The following RPAP1 variants were observed in gnomAD, a reference collection of about 807,000 sequenced individuals.
RPAP1 encodes RNA polymerase II-associated protein 1.
Under a neutral mutation model 142.4 loss-of-function variants are expected in RPAP1, and 109 were observed. The observed-to-expected ratio is 0.77, with a 90% CI of 0.66 to 0.90. The LOEUF (loss-of-function observed/expected upper bound fraction) is 0.90. Among genes scored for constraint, RPAP1 ranks in the 40% least tolerant of loss-of-function variants. The pLI, the probability that RPAP1 is intolerant of heterozygous loss-of-function variation, is 0.00. For missense variants in RPAP1, 1,546 were observed against 1,751.7 expected, an observed-to-expected ratio of 0.88 and a Z score of 2.10; for synonymous variants, 704 against 738.9, an observed-to-expected ratio of 0.95 and a Z score of 0.77.
chr15:41,531,619 ATATATATATTTTTTTTTTTTTT>A (rs1409455104), intron 6 of RPAP1, among the ~76,000 whole-genome samples: 8 of 27,266 alleles, frequency 2.9e-4, no homozygotes, highest in African/African-American at 1.1e-3. Context: ...ATATATATAT[ATATATATATTTTTTTTTTTTTT>A]TTTTTTTTTT....
chr15:41,526,923 G>C lies in RPAP1; in HGVS notation c.1892C>G (p.Ala631Gly). 1 of 1,613,664 alleles carries C rather than the reference G, an allele frequency of 6.2e-7. No homozygotes were observed. Among genetic ancestry groups the C allele is most frequent in the Non-Finnish European group, 8.5e-7 (1 of 1,179,620 alleles). Residue 631 changes from alanine to glycine, a missense_variant, in exon 14 of 25, where the codon GCT becomes GGT. Around this residue, in one of 3 missense-constraint regions of RPAP1, gnomAD observed 1,333 missense variants for 1,486.6 expected, o/e 0.90. Transcript: ENST00000304330. ...AMKLLRVLAS[A>G]GRNIAARLLS... ...CAGCCGGGCAGCAATATTCCTCCCA[G>C]CTGAGGCCAGGACACGAAGTAGTTT...
intron 1 of RPAP1, among the ~76,000 whole-genome samples, chr15:41,537,892 A>C (rs567786260): frequency 1.3e-3 from 203 of 151,984 alleles, no homozygotes; most frequent in Non-Finnish European, 2.4e-3. Context: ...TCAAAAAAAA[A>C]AAAAAAAATT....
Position 41,528,240 on chromosome 15 carries a change from T to G in RPAP1, c.1255A>C (p.Ser419Arg). 6.2e-7 allele frequency: 1 copy of G among 1,605,836 alleles called. No homozygotes were observed. The highest frequency in any genetic ancestry group is 1.3e-5 in the African/African-American group (1 of 74,938). The change falls in exon 10 of 25, where the codon AGC becomes CGC. Residue 419 changes from serine (S) to arginine (R), a missense_variant. Physicochemically the swap from Ser to Arg is moderately radical, Grantham distance 110 (BLOSUM62 -1). This residue lies in a region of RPAP1 where 1,333 missense variants were observed against 1,486.6 expected (regional missense o/e 0.90). Coordinates refer to ENST00000304330, the MANE Select transcript of RPAP1 (RefSeq NM_015540.4). ...CAGGCTGGCAATCCACTCACCCTGCTGATGACCTGGGCTAACACATGCAGT... is the reference window on the plus strand; with the variant it reads ...CAGGCTGGCAATCCACTCACCCTGCGGATGACCTGGGCTAACACATGCAGT... Reference protein sequence around the residue: ...LALHVLAQVISRAQAGEFGDR... With the variant: ...LALHVLAQVIRRAQAGEFGDR...
chr15:41,517,513 T>G lies in RPAP1; in HGVS notation c.*29A>C, dbSNP rs922635461. On this transcript the variant is annotated 3_prime_UTR_variant, in exon 25 of 25. Coordinates refer to ENST00000304330, the MANE Select transcript of RPAP1 (RefSeq NM_015540.4). ...TTGAAAGGCTGGATACAGGACAACG[T>G]ACCCATCTTTCCATCTATATCAACT... is the stretch of plus-strand genomic sequence containing the variant. 2 of 1,520,218 alleles carry G rather than the reference T, an allele frequency of 1.3e-6. No homozygotes were observed. The highest frequency in any genetic ancestry group is 2.8e-5 in the African/African-American group (2 of 71,896). 94.2% of individuals were successfully genotyped at this position (1,520,218 alleles called of 1,614,324 possible).
chr15:41,523,574 G>A (rs1374954054), intron 17 of RPAP1, among the ~76,000 whole-genome samples, 197 bp downstream of exon 17: 3 of 152,226 alleles, frequency 2.0e-5, no homozygotes, highest in East Asian at 3.8e-4. Flanking sequence ...TGGGCTCTCT[G>A]GTCCCCACCA....
rs1361248073 is a variant in RPAP1 at position 41,527,032 on chromosome 15, G to A, written c.1783C>T (p.Arg595Ter). 7 of 1,614,164 alleles carry A rather than the reference G, an allele frequency of 4.3e-6. No homozygotes were observed. The Admixed American group carries it at 5.0e-5, about 12-fold the overall frequency. Residue 595 changes from arginine (R) to a stop codon, truncating the protein, a stop_gained, in exon 14 of 25, where the codon CGA becomes TGA. Coordinates refer to ENST00000304330, the MANE Select transcript of RPAP1 (RefSeq NM_015540.4). LOFTEE classifies it high-confidence loss of function. ...ECPRLIETIV[R>*]EFLPTSWSPV... is the part of the protein sequence containing the mutation. The stretch of plus-strand genomic sequence containing the variant: ...GACCAACTGGTGGGCAAGAACTCTC[G>A]AACTATAGTCTCTATCAGCCGAGGG...
chr15:41,540,581 G>A lies in RPAP1; in HGVS notation c.-76-3380C>T, dbSNP rs144704889. On this transcript the variant is annotated intron_variant, in intron 1 of 24. Coordinates refer to ENST00000304330, the MANE Select transcript of RPAP1 (RefSeq NM_015540.4). ...CTCCCAAAGTGCTGGGATTACAGGC[G>A]TGAGCCACTGCAACGGGCCAGTTAC... Among the ~76,000 whole-genome samples the A allele has an allele frequency of 2.6e-5, 4 of 152,330 alleles. No homozygotes were observed. The East Asian group carries it at 5.8e-4, about 22-fold the overall frequency.
chr15:41,529,578 A>G lies in RPAP1; in HGVS notation c.1060-10T>C, dbSNP rs1186101189. ...ATCGAGCCTGCATCCTCTAATGGGAAGAGAAAGAGGACTGTGGTCTGGGGG... is the reference window on the plus strand; with the variant it reads ...ATCGAGCCTGCATCCTCTAATGGGAGGAGAAAGAGGACTGTGGTCTGGGGG... On this transcript the variant is annotated splice_polypyrimidine_tract_variant and intron_variant, in intron 8 of 24. Transcript: ENST00000304330. 2 of 1,586,292 alleles carry G rather than the reference A, an allele frequency of 1.3e-6. No homozygotes were observed. The highest frequency in any genetic ancestry group is 1.7e-6 in the Non-Finnish European group (2 of 1,156,424).
chr15:41,526,033 T>C (rs1057397517), intron 14 of RPAP1, among the ~76,000 whole-genome samples: 1 of 152,136 alleles, frequency 6.6e-6, no homozygotes, highest in Non-Finnish European at 1.5e-5. Flanking sequence ...CACTCCACCC[T>C]CCATCTCCCG....
intron 6 of RPAP1, among the ~76,000 whole-genome samples, chr15:41,532,726 G>A (rs1035371946): frequency 2.6e-5 from 4 of 151,754 alleles, no homozygotes; most frequent in Non-Finnish European, 4.4e-5. Flanking sequence ...AAAAAAAATC[G>A]CAGCACTTCA....
intron 22 of RPAP1, chr15:41,519,997 G>A (rs995939049): frequency 2.9e-5 from 7 of 243,402 alleles, no homozygotes; most frequent in South Asian, 2.7e-4. Flanking sequence ...GCAGTGGCGC[G>A]ATCTCGGCTC....
chr15:41,521,454 AAC>A (rs765364003), intron 21 of RPAP1, among the ~76,000 whole-genome samples: 4 of 152,262 alleles, frequency 2.6e-5, no homozygotes, highest in Non-Finnish European at 5.9e-5. Flanking sequence ...GGGAGTATCA[AAC>A]ACAGAGTAAA....
rs145720104 is a variant in RPAP1, at chr15:41,534,822, C to T, written c.655G>A (p.Glu219Lys). 12 of 1,614,140 alleles carry T rather than the reference C, an allele frequency of 7.4e-6. No homozygotes were observed. Among genetic ancestry groups the T allele is most frequent in the Non-Finnish European group, 1.0e-5 (12 of 1,180,018 alleles). ...ATAGTCTGGGCTTCCTGCTCAGCTTCTTGATCCCTGAGCCCCTTCCCTGTG... is the reference window on the plus strand; with the variant it reads ...ATAGTCTGGGCTTCCTGCTCAGCTTTTTGATCCCTGAGCCCCTTCCCTGTG... ...LVTGKGLRDQ[E>K]AEQEAQTIHE... The change falls in exon 6 of 25, where the codon GAA (glutamate) becomes AAA (lysine). Residue 219 changes from glutamate to lysine, a missense_variant. Around this residue, in one of 3 missense-constraint regions of RPAP1, gnomAD observed 1,333 missense variants for 1,486.6 expected, o/e 0.90. Coordinates refer to ENST00000304330, the MANE Select transcript of RPAP1 (RefSeq NM_015540.4).
rs1202312045 is a variant in RPAP1, at chr15:41,518,014, G to C, written c.3964C>G (p.Gln1322Glu). The C allele has an allele frequency of 1.2e-6, 2 of 1,614,064 alleles. No homozygotes were observed. The highest frequency in any genetic ancestry group is 4.5e-5 in the East Asian group (2 of 44,902). The stretch of plus-strand genomic sequence containing the variant: ...ATGGAGATGTAACTTACTGAGCTCT[G>C]TGGGTCCTGAGAGAAGATGAAGCTA... ...VNSFIFSQDP[Q>E]SSDEVKAARR... is the part of the protein sequence containing the mutation. Residue 1322 changes from glutamine (Q) to glutamate (E), a missense_variant, in exon 23 of 25, where the codon CAG (glutamine) becomes GAG (glutamate). Transcript: ENST00000304330.
intron 1 of RPAP1, among the ~76,000 whole-genome samples, chr15:41,540,345 A>C (rs2051960058): frequency 6.9e-6 from 1 of 145,976 alleles, no homozygotes; most frequent in Non-Finnish European, 1.5e-5. Context: ...CTTGTTGCCC[A>C]GGCTGGAGTG....
At chr15:41,522,590 A>G in intron 19 of RPAP1, 175 bp downstream of exon 19, 3 of 586,334 alleles carry the variant, frequency 5.1e-6, no homozygotes, top group South Asian at 4.8e-5. Context: ...GGGTTTCTCC[A>G]TGTTGGCCAG....
rs1456814619 is a variant in RPAP1, at chr15:41,530,130, G to A, written c.944-151C>T. 9 of 651,428 alleles carry A rather than the reference G, an allele frequency of 1.4e-5. No individual in the cohort carries two copies. In the African/African-American group the frequency reaches 1.4e-4, roughly 10 times the overall value. 40.4% of individuals were successfully genotyped at this position (651,428 alleles called of 1,614,324 possible). ...TTATGGCTAAATGGCATGGCCCAGG[G>A]ACTGGAACTCCTGGGGCTGGGGTGA... On this transcript the variant is annotated intron_variant, in intron 7 of 24. Transcript: ENST00000304330.
Position 41,536,976 on chromosome 15 carries a change from G to A in RPAP1, c.150C>T (p.Leu50=). 1.2e-6 allele frequency: 2 copies of A among 1,614,072 alleles called. No homozygotes were observed. Among genetic ancestry groups the A allele is most frequent in the Non-Finnish European group, 1.7e-6 (2 of 1,180,018 alleles). Residue 50 remains leucine (L), a synonymous_variant, in exon 2 of 25, where the codon CTC becomes CTT. Coordinates refer to ENST00000304330, the MANE Select transcript of RPAP1 (RefSeq NM_015540.4). ...ACATCACCACATCCCGATGGTCCTG[G>A]AGCGGAGGCCGGTCTGAGTTGGCAT... ...GGDANSDRPP[L]QDHRDVVMLD...
intron 11 of RPAP1, 43 bp from the exon 12 acceptor site, chr15:41,527,648 A>G: frequency 6.4e-7 from 1 of 1,571,708 alleles, no homozygotes; most frequent in Admixed American, 1.9e-5. Flanking sequence ...TGAAGGGGCC[A>G]GGAAATGGAT....
Sources: allele counts gnomAD v4.1 joint callset (sites outside exome capture counted in the v4.1 genomes callset), GRCh38; gene constraint gnomAD v4.1.1; regional missense constraint gnomAD v4.1.1; transcripts MANE v1.5; gene names NCBI Gene and HGNC (gene_info 2026-07-23, HGNC 2026-07-21).